Variants in PPP1R3B observed in about 807,000 individuals in gnomAD.
The protein encoded by PPP1R3B is PP1 subunit R4.
Under a neutral mutation model 14.6 loss-of-function variants are expected in PPP1R3B, and 8 were observed. That is an observed-to-expected ratio of 0.55 (90% confidence interval 0.32 to 0.99). The LOEUF is 0.99. Among genes scored for constraint, PPP1R3B ranks in the 50% least tolerant of loss-of-function variants. The probability of loss-of-function intolerance (pLI) is 0.04; values close to 1 mark genes in which losing one functional copy is unlikely to be tolerated. For synonymous variants in PPP1R3B, 169 were observed against 142.0 expected, an observed-to-expected ratio of 1.19 and a Z score of -1.35; for missense variants, 452 against 360.1, an observed-to-expected ratio of 1.26 and a Z score of -2.07.
chr8:9,147,141 G>C (rs906770885), intron 1 of PPP1R3B, among the ~76,000 whole-genome samples: 5 of 151,760 alleles, frequency 3.3e-5, no homozygotes, highest in Non-Finnish European at 5.9e-5. Flanking sequence ...ACCACCCCTG[G>C]GATTACAGGC....
rs1202475649 is a variant in PPP1R3B at position 9,136,476 on chromosome 8, T to C, written c.*4318A>G. On this transcript the variant is annotated 3_prime_UTR_variant, in exon 2 of 2. Transcript: ENST00000310455. ...TGGTTCTACATTCACACTGAAGTAA[T>C]AGTGAAACATCATCACAGCTGCACT... 2 of 152,220 alleles carry C rather than the reference T, an allele frequency of 1.3e-5. No homozygotes were observed. The allele number at this position is 152,220 out of a possible 1,614,324, so 9.4% of individuals were successfully genotyped here. A position where few individuals can be genotyped will look rare whatever the true frequency, so the allele number is the denominator to read the frequency against.
At chr8:9,150,425 C>T (rs552598621) in intron 1 of PPP1R3B, 138 bp downstream of exon 1, 1 of 152,868 alleles carries the variant, frequency 6.5e-6, no homozygotes, top group East Asian at 1.9e-4. Flanking sequence ...CAAAGAGACG[C>T]AGGAGCAGGC....
At chr8:9,150,323 C>T (rs533673291) in intron 1 of PPP1R3B, among the ~76,000 whole-genome samples, 35 of 152,334 alleles carry the variant, frequency 2.3e-4, no homozygotes, top group Non-Finnish European at 3.5e-4. Context: ...AAACAGTGCT[C>T]TGACAGGCCC....
intron 1 of PPP1R3B, among the ~76,000 whole-genome samples, chr8:9,150,318 G>A (rs984435044): frequency 1.3e-5 from 2 of 152,292 alleles, no homozygotes; most frequent in East Asian, 1.9e-4. Context: ...TCAGAAAACA[G>A]TGCTCTGACA....
At position 9,141,255 on chromosome 8, in the gene PPP1R3B, C is replaced by T. The variant is rs368157445; in HGVS notation, c.397G>A (p.Val133Ile). 41 of 1,614,078 alleles carry T rather than the reference C, an allele frequency of 2.5e-5. No homozygotes were observed. Among genetic ancestry groups the T allele is most frequent in the African/African-American group, 1.5e-4 (11 of 74,926 alleles). ...TTGAGCACACAGTTCTCAAGGCAGA[C>T]GTGGTCGGCCTGAAGTCGATTTCTA... The part of the protein sequence containing the change: ...DFRNRLQADH[V>I]CLENCVLKDK... Residue 133 changes from valine (V) to isoleucine (I), a missense_variant, in exon 2 of 2, where the codon GTC becomes ATC. By Grantham distance (29) the Val-to-Ile change is conservative. Transcript: ENST00000310455.
chr8:9,141,012 A>G lies in PPP1R3B; in HGVS notation c.640T>C (p.Tyr214His). The G allele has an allele frequency of 5.6e-6, 9 of 1,614,216 alleles. No individual in the cohort carries two copies. Among genetic ancestry groups the G allele is most frequent in the Non-Finnish European group, 7.6e-6 (9 of 1,180,044 alleles). The change falls in exon 2 of 2, where the codon TAC becomes CAC. Residue 214 changes from tyrosine (Y) to histidine (H), a missense_variant. Coordinates refer to ENST00000310455, the MANE Select transcript of PPP1R3B (RefSeq NM_024607.4). ...CAGTACGTCTGTCCATTGCACTCGTAGTACACAGCAAACTCCATTCTTTCA... is the reference window on the plus strand; with the variant it reads ...CAGTACGTCTGTCCATTGCACTCGTGGTACACAGCAAACTCCATTCTTTCA... ...SYERMEFAVY[Y>H]ECNGQTYWDS...
intron 1 of PPP1R3B, among the ~76,000 whole-genome samples, chr8:9,147,850 C>CA (rs373541931): frequency 2.0e-5 from 3 of 152,110 alleles, no homozygotes; most frequent in African/African-American, 7.2e-5. Flanking sequence ...CCATGAAAGG[C>CA]AAAAGTAAGG....
At chr8:9,143,302 A>G (rs1801145049) in intron 1 of PPP1R3B, among the ~76,000 whole-genome samples, 1 of 152,158 alleles carries the variant, frequency 6.6e-6, no homozygotes, top group Non-Finnish European at 1.5e-5. Flanking sequence ...TGTTTCCTAT[A>G]TGGCAGGCAT....
chr8:9,140,843 G>C lies in PPP1R3B; in HGVS notation c.809C>G (p.Pro270Arg). The change falls in exon 2 of 2, where the codon CCA becomes CGA. Residue 270 changes from proline (P) to arginine (R), a missense_variant. By Grantham distance (103) the Pro-to-Arg change is moderately radical. Transcript: ENST00000310455. ...ATATCCTAAGTAACTTGGCCACTCT[G>C]GAAACAGACCATAGGAACACCGAGG... ...GSPRCSYGLF[P>R]EWPSYLGYEK... is the part of the protein sequence containing the mutation. 6.2e-7 allele frequency: 1 copy of C among 1,614,040 alleles called. No homozygotes were observed. Among genetic ancestry groups the C allele is most frequent in the Non-Finnish European group, 8.5e-7 (1 of 1,180,012 alleles).
intron 1 of PPP1R3B, among the ~76,000 whole-genome samples, chr8:9,150,099 T>C (rs1801373132): frequency 6.6e-6 from 1 of 152,178 alleles, no homozygotes; most frequent in Non-Finnish European, 1.5e-5. Context: ...CCTCCAGCTG[T>C]CTTCACTTTA....
chr8:9,140,673 T>C lies in PPP1R3B; in HGVS notation c.*121A>G, dbSNP rs1801044123. ...AGAAGTGAAGAGGATCCTTTTATTT[T>C]CCCAAACGGGGCCTCATGGAAGTTC... On this transcript the variant is annotated 3_prime_UTR_variant, in exon 2 of 2. Coordinates refer to ENST00000310455, the MANE Select transcript of PPP1R3B (RefSeq NM_024607.4). 5.8e-6 allele frequency: 6 copies of C among 1,029,600 alleles called. No individual in the cohort carries two copies. Among genetic ancestry groups the C allele is most frequent in the Non-Finnish European group, 8.4e-6 (6 of 713,202 alleles). The allele number at this position is 1,029,600 out of a possible 1,614,324, so 63.8% of individuals were successfully genotyped here.
Position 9,140,686 on chromosome 8 carries a change from C to G in PPP1R3B, c.*108G>C, listed in dbSNP as rs1162210209. 1 of 1,180,922 alleles carries G rather than the reference C, an allele frequency of 8.5e-7. No individual in the cohort carries two copies. The allele number at this position is 1,180,922 out of a possible 1,614,324, so 73.2% of individuals were successfully genotyped here. A position where few individuals can be genotyped will look rare whatever the true frequency, so the allele number is the denominator to read the frequency against. On this transcript the variant is annotated 3_prime_UTR_variant, in exon 2 of 2. Coordinates refer to ENST00000310455, the MANE Select transcript of PPP1R3B (RefSeq NM_024607.4). ...ATCCTTTTATTTTCCCAAACGGGGC[C>G]TCATGGAAGTTCCACGTTGCTCCTC...
intron 1 of PPP1R3B, among the ~76,000 whole-genome samples, chr8:9,142,022 T>A (rs1801107276): frequency 6.6e-6 from 1 of 152,228 alleles, no homozygotes; most frequent in South Asian, 2.1e-4. Context: ...AAAGGGCATA[T>A]ATACTGTTTT....
At position 9,140,489 on chromosome 8, in the gene PPP1R3B, G is replaced by T; in HGVS notation, c.*305C>A. The stretch of plus-strand genomic sequence containing the variant: ...AGGAGAGACTCCTCCAGCTTCATCA[G>T]CACTGGCATAGGCTTGATTCCCATC... On this transcript the variant is annotated 3_prime_UTR_variant, in exon 2 of 2. Transcript: ENST00000310455. The T allele has an allele frequency of 2.5e-6, 1 of 397,696 alleles. No homozygotes were observed. Among genetic ancestry groups the T allele is most frequent in the Non-Finnish European group, 4.6e-6 (1 of 215,382 alleles). 24.6% of individuals were successfully genotyped at this position (397,696 alleles called of 1,614,324 possible).
chr8:9,140,730 C>A lies in PPP1R3B; in HGVS notation c.*64G>T. ...GCTCCTCCCTGGCCTTCCATCTCCA[C>A]TGCACAGTGAGCAGAGCTAGGCTTG... On this transcript the variant is annotated 3_prime_UTR_variant, in exon 2 of 2. Transcript: ENST00000310455. 6.4e-7 allele frequency: 1 copy of A among 1,568,336 alleles called. No individual in the cohort carries two copies. Among genetic ancestry groups the A allele is most frequent in the Non-Finnish European group, 8.7e-7 (1 of 1,152,344 alleles).
chr8:9,143,245 A>G (rs1801143424), intron 1 of PPP1R3B, among the ~76,000 whole-genome samples: 1 of 152,240 alleles, frequency 6.6e-6, no homozygotes, highest in South Asian at 2.1e-4. Context: ...TATATTTGCT[A>G]TAATCTGATA....
At chr8:9,142,602 A>G (rs1801123460) in intron 1 of PPP1R3B, among the ~76,000 whole-genome samples, 1 of 152,130 alleles carries the variant, frequency 6.6e-6, no homozygotes, top group East Asian at 1.9e-4. Context: ...TGTACATCAG[A>G]TCTCTTGAAT....
At chr8:9,144,660 A>G (rs577758929) in intron 1 of PPP1R3B, among the ~76,000 whole-genome samples, 94 of 152,370 alleles carry the variant, frequency 6.2e-4, no homozygotes, top group Non-Finnish European at 6.2e-4. Context: ...GAAAAAGATG[A>G]CAAAATAACC....
intron 1 of PPP1R3B, among the ~76,000 whole-genome samples, chr8:9,145,876 CT>C (rs35263278): frequency 6.6e-6 from 1 of 151,272 alleles, no homozygotes; most frequent in African/African-American, 2.4e-5. Flanking sequence ...AAGCTGAGCA[CT>C]TTTTTTTTAT....
Sources: allele counts gnomAD v4.1 joint callset (sites outside exome capture counted in the v4.1 genomes callset), GRCh38; gene constraint gnomAD v4.1.1; transcripts MANE v1.5; gene names NCBI Gene and HGNC (gene_info 2026-07-23, HGNC 2026-07-21).